AGPAT4: variants seen among roughly 807,000 people sequenced by gnomAD.
AGPAT4 encodes 1-acylglycerol-3-phosphate O-acyltransferase 4, also known as 1-acyl-sn-glycerol-3-phosphate acyltransferase delta.
AGPAT4 carries 15 observed loss-of-function variants against 48.0 expected under a neutral mutation model. The observed-to-expected ratio is 0.31, with a 90% CI of 0.21 to 0.48. The LOEUF is 0.48. Among genes scored for constraint, AGPAT4 ranks in the 20% least tolerant of loss-of-function variants. AGPAT4 has a pLI of 0.99. For missense variants in AGPAT4, 314 were observed against 482.5 expected, an observed-to-expected ratio of 0.65 and a Z score of 3.27; for synonymous variants, 178 against 198.7, an observed-to-expected ratio of 0.90 and a Z score of 0.88.
At chr6:161,263,915 A>G (rs577554935) in intron 1 of AGPAT4, among the ~76,000 whole-genome samples, 45 of 152,212 alleles carry the variant, frequency 3.0e-4, no homozygotes, top group Non-Finnish European at 5.7e-4. Context: ...AATATTTAGT[A>G]AAATCACAGT....
intron 2 of AGPAT4, among the ~76,000 whole-genome samples, chr6:161,227,599 C>G (rs1179625225): frequency 6.6e-6 from 1 of 152,258 alleles, no homozygotes; most frequent in Non-Finnish European, 1.5e-5. Context: ...CTGTTCCTGA[C>G]CTGTTACCAG....
At chr6:161,241,592 A>T (rs193121548) in intron 1 of AGPAT4, among the ~76,000 whole-genome samples, 25 of 152,368 alleles carry the variant, frequency 1.6e-4, no homozygotes, top group African/African-American at 5.8e-4. Context: ...TTTTATACCT[A>T]GTCCACAGAA....
rs1781136286 is a variant in AGPAT4 at position 161,198,732 on chromosome 6, G to C, written c.179-32315C>G. On this transcript the variant is annotated intron_variant, in intron 2 of 8. Coordinates refer to ENST00000320285, the MANE Select transcript of AGPAT4 (RefSeq NM_020133.3). This position sits in a 1 kb window ranked among gnomAD's most constrained non-coding sequence, Gnocchi z 4.3. ...GTAGAAGGAACTCCGCAGAGTGCTG[G>C]GAACACTATATGCAGTCTGTTTTTT... Among the ~76,000 whole-genome samples, 1 of 147,778 alleles carries C rather than the reference G, an allele frequency of 6.8e-6. No homozygotes were observed. Among genetic ancestry groups the C allele is most frequent in the South Asian group, 2.1e-4 (1 of 4,814 alleles).
At chr6:161,156,347 C>T (rs779104747) in intron 3 of AGPAT4, among the ~76,000 whole-genome samples, 8 of 152,158 alleles carry the variant, frequency 5.3e-5, no homozygotes, top group Non-Finnish European at 1.0e-4. Context: ...GCTGCCTTCA[C>T]GCTACACACA....
rs1782623254 is a variant in AGPAT4 at position 161,245,510 on chromosome 6, G to A, written c.-89-13208C>T. On this transcript the variant is annotated intron_variant, in intron 1 of 8. Transcript: ENST00000320285. This position sits in a 1 kb window ranked among gnomAD's most constrained non-coding sequence, Gnocchi z 5.2. Reference sequence around the variant, plus strand: ...GGGATCGCCAGGAGTAGAGCTCAGAGGAAGCACTCTGCTGCCTCTATAGTG... The same window carrying A: ...GGGATCGCCAGGAGTAGAGCTCAGAAGAAGCACTCTGCTGCCTCTATAGTG... Among the ~76,000 whole-genome samples the A allele has an allele frequency of 6.6e-6, 1 of 152,206 alleles. No homozygotes were observed. Among genetic ancestry groups the A allele is most frequent in the African/African-American group, 2.4e-5 (1 of 41,448 alleles).
At position 161,183,837 on chromosome 6, in the gene AGPAT4, C is replaced by T. The variant is rs1212723247; in HGVS notation, c.179-17420G>A. 4.0e-5 allele frequency among the ~76,000 whole-genome samples: 6 copies of T among 151,456 alleles called. No individual in the cohort carries two copies. The East Asian group carries it at 7.9e-4, about 20-fold the overall frequency. The stretch of plus-strand genomic sequence containing the variant: ...ACCTGAGAGAGAGGGGAGCCAGCCT[C>T]GTGGCTCTCTGGGGACATGGGGAAG... On this transcript the variant is annotated intron_variant, in intron 2 of 8. Coordinates refer to ENST00000320285, the MANE Select transcript of AGPAT4 (RefSeq NM_020133.3).
In AGPAT4 at chr6:161,196,893, T is replaced by A. The variant is rs2115006265; in HGVS notation, c.179-30476A>T. On this transcript the variant is annotated intron_variant, in intron 2 of 8. Transcript: ENST00000320285. The surrounding 1 kb of genome is among the most constrained non-coding windows in gnomAD (Gnocchi z 4.3). ...CAACTGGATGGTCAAGAAAGTCACA[T>A]CAGGACTTGCTCACTGACCAAACAT... Among the ~76,000 whole-genome samples, 1 of 150,884 alleles carries A rather than the reference T, an allele frequency of 6.6e-6. No individual in the cohort carries two copies. Among genetic ancestry groups the A allele is most frequent in the Admixed American group, 6.6e-5 (1 of 15,170 alleles).
rs545578512 is a variant in AGPAT4, at chr6:161,143,413, T to C, written c.843+3111A>G. On this transcript the variant is annotated intron_variant, in intron 7 of 8. Coordinates refer to ENST00000320285, the MANE Select transcript of AGPAT4 (RefSeq NM_020133.3). This position sits in a 1 kb window ranked among gnomAD's most constrained non-coding sequence, Gnocchi z 4.7. Reference sequence around the variant, plus strand: ...CCTATTTCTTAATTTGCACTATTAATGGCCAAGTTATAGTCCCTTCTGCAA... The same window carrying C: ...CCTATTTCTTAATTTGCACTATTAACGGCCAAGTTATAGTCCCTTCTGCAA... Among the ~76,000 whole-genome samples the C allele has an allele frequency of 5.3e-5, 8 of 152,216 alleles. No homozygotes were observed. The highest frequency in any genetic ancestry group is 1.2e-4 in the Non-Finnish European group (8 of 68,042).
chr6:161,198,904 A>C lies in AGPAT4; in HGVS notation c.179-32487T>G, dbSNP rs1027844642. 1.3e-5 allele frequency among the ~76,000 whole-genome samples: 2 copies of C among 152,212 alleles called. No individual in the cohort carries two copies. Among genetic ancestry groups the C allele is most frequent in the Admixed American group, 1.3e-4 (2 of 15,284 alleles). Reference sequence around the variant, plus strand: ...CACGATTCTATATTTTAAACTCCAGAAACTCCTCAAATATATGTCAGAATT... The same window carrying C: ...CACGATTCTATATTTTAAACTCCAGCAACTCCTCAAATATATGTCAGAATT... On this transcript the variant is annotated intron_variant, in intron 2 of 8. Transcript: ENST00000320285. This position sits in a 1 kb window ranked among gnomAD's most constrained non-coding sequence, Gnocchi z 4.3.
In AGPAT4 at chr6:161,197,870, T is replaced by C. The variant is rs183107248; in HGVS notation, c.179-31453A>G. Among the ~76,000 whole-genome samples the C allele has an allele frequency of 3.9e-5, 6 of 152,310 alleles. No individual in the cohort carries two copies. The highest frequency in any genetic ancestry group is 1.9e-4 in the East Asian group (1 of 5,182). On this transcript the variant is annotated intron_variant, in intron 2 of 8. Coordinates refer to ENST00000320285, the MANE Select transcript of AGPAT4 (RefSeq NM_020133.3). This position sits in a 1 kb window ranked among gnomAD's most constrained non-coding sequence, Gnocchi z 5.7. Reference sequence around the variant, plus strand: ...TCAATAAATACCCACTGCTGATTGATTGAAATGTGGTCTTGGCCTCACTGT... The same window carrying C: ...TCAATAAATACCCACTGCTGATTGACTGAAATGTGGTCTTGGCCTCACTGT...
At chr6:161,168,596 G>A (rs1449909711) in intron 2 of AGPAT4, among the ~76,000 whole-genome samples, 2 of 152,042 alleles carry the variant, frequency 1.3e-5, no homozygotes, top group East Asian at 3.9e-4. Flanking sequence ...GACTCAGCAA[G>A]AGCCTGGCAC....
At chr6:161,250,727 G>A (rs931487228) in intron 1 of AGPAT4, among the ~76,000 whole-genome samples, 1 of 152,012 alleles carries the variant, frequency 6.6e-6, no homozygotes, top group Non-Finnish European at 1.5e-5. Flanking sequence ...ATTTGTAGCT[G>A]TTTATATTCT....
Position 161,181,797 on chromosome 6 carries a change from C to T in AGPAT4, c.179-15380G>A, listed in dbSNP as rs558574271. ...ATCAGATGGCGCTCAGGCTAGAAGC[C>T]GAGGGTCCAAGAAGGCCAAGCTCTT... On this transcript the variant is annotated intron_variant, in intron 2 of 8. Coordinates refer to ENST00000320285, the MANE Select transcript of AGPAT4 (RefSeq NM_020133.3). Among the ~76,000 whole-genome samples the T allele has an allele frequency of 9.9e-5, 15 of 152,116 alleles. No homozygotes were observed. The Middle Eastern group carries it at 0.01, about 104-fold the overall frequency.
In AGPAT4 at chr6:161,242,793, G is replaced by A. The variant is rs115068298; in HGVS notation, c.-89-10491C>T. ...TCTGGTTAATAAGGAAACCTAGGCC[G>A]GGCGCAGCGGCTCACACCTGTCATC... On this transcript the variant is annotated intron_variant, in intron 1 of 8. Transcript: ENST00000320285. The surrounding 1 kb of genome is among the most constrained non-coding windows in gnomAD (Gnocchi z 5.0). Among the ~76,000 whole-genome samples the A allele has an allele frequency of 1.4e-3, 215 of 152,266 alleles. No individual in the cohort carries two copies. The highest frequency in any genetic ancestry group is 4.1e-3 in the African/African-American group (171 of 41,552).
In AGPAT4 at chr6:161,137,958, C is replaced by T. The variant is rs1057157143; in HGVS notation, c.1043-1324G>A. 1.5e-4 allele frequency among the ~76,000 whole-genome samples: 23 copies of T among 152,164 alleles called. No individual in the cohort carries two copies. The highest frequency in any genetic ancestry group is 1.2e-3 in the Admixed American group (19 of 15,286). ...TGCTCAGGCTTCTTTTTTTGGTACT[C>T]GCTACACAGCTGGGTGGCCCTGTCT... On this transcript the variant is annotated intron_variant, in intron 8 of 8. Coordinates refer to ENST00000320285, the MANE Select transcript of AGPAT4 (RefSeq NM_020133.3). This position sits in a 1 kb window ranked among gnomAD's most constrained non-coding sequence, Gnocchi z 6.1.
In AGPAT4 at chr6:161,166,026, G is replaced by A; in HGVS notation, c.348+222C>T. 1 of 632,660 alleles carries A rather than the reference G, an allele frequency of 1.6e-6. No homozygotes were observed. Among genetic ancestry groups the A allele is most frequent in the African/African-American group, 1.8e-5 (1 of 54,364 alleles). The allele number at this position is 632,660 out of a possible 1,614,324, so 39.2% of individuals were successfully genotyped here. A position where few individuals can be genotyped will look rare whatever the true frequency, so the allele number is the denominator to read the frequency against. On this transcript the variant is annotated intron_variant, in intron 3 of 8. Coordinates refer to ENST00000320285, the MANE Select transcript of AGPAT4 (RefSeq NM_020133.3). This position sits in a 1 kb window ranked among gnomAD's most constrained non-coding sequence, Gnocchi z 6.7. The stretch of plus-strand genomic sequence containing the variant: ...TAAATAAATGAATCATATGTAAAAT[G>A]GCCGGCAGGTAGCAATTGTTGAGTA...
rs1355370051 is a variant in AGPAT4 at position 161,169,700 on chromosome 6, T to A, written c.179-3283A>T. Among the ~76,000 whole-genome samples, 1 of 152,212 alleles carries A rather than the reference T, an allele frequency of 6.6e-6. No homozygotes were observed. Among genetic ancestry groups the A allele is most frequent in the African/African-American group, 2.4e-5 (1 of 41,448 alleles). On this transcript the variant is annotated intron_variant, in intron 2 of 8. Coordinates refer to ENST00000320285, the MANE Select transcript of AGPAT4 (RefSeq NM_020133.3). The surrounding 1 kb of genome is among the most constrained non-coding windows in gnomAD (Gnocchi z 5.0). ...ACAGAAACACATTTATACAGTCACATTGTAAAATGATTCAAACAACCCAGA... is the reference window on the plus strand; with the variant it reads ...ACAGAAACACATTTATACAGTCACAATGTAAAATGATTCAAACAACCCAGA...
In AGPAT4 at chr6:161,148,324, AT is replaced by A. The variant is rs1779493614; in HGVS notation, c.767+862del. On this transcript the variant is annotated intron_variant, in intron 6 of 8. Transcript: ENST00000320285. The surrounding 1 kb of genome is among the most constrained non-coding windows in gnomAD (Gnocchi z 5.5). ...CTATTTTCATGGGAAAGCCAGAGTCATTTTTAGATCAGAAGCTACTTAACTT... is the reference window on the plus strand; with the variant it reads ...CTATTTTCATGGGAAAGCCAGAGTCATTTTAGATCAGAAGCTACTTAACTT... Among the ~76,000 whole-genome samples, 1 of 152,190 alleles carries A rather than the reference AT, an allele frequency of 6.6e-6. No individual in the cohort carries two copies. The highest frequency in any genetic ancestry group is 2.4e-5 in the African/African-American group (1 of 41,434).
At chr6:161,241,604 G>A (rs73019310) in intron 1 of AGPAT4, among the ~76,000 whole-genome samples, 6,473 of 152,306 alleles carry the variant, frequency 0.043, 264 homozygotes, top group East Asian at 0.22. Context: ...TCCACAGAAA[G>A]CTAGACTCAG....
Sources: allele counts gnomAD v4.1 joint callset (sites outside exome capture counted in the v4.1 genomes callset), GRCh38; gene constraint gnomAD v4.1.1; non-coding constraint Gnocchi (gnomAD v3.1); transcripts MANE v1.5; gene names NCBI Gene and HGNC (gene_info 2026-07-23, HGNC 2026-07-21).